The following EYS variants were observed in gnomAD, a reference collection of about 807,000 sequenced individuals.
The protein encoded by EYS is EGF-like photoreceptor maintenance factor.
EYS carries 250 observed loss-of-function variants against 282.1 expected under a neutral mutation model. The ratio of observed to expected loss-of-function variants is 0.89; its 90% CI spans 0.80 to 0.98. EYS has a LOEUF of 0.98. EYS is among the 50% of genes least tolerant of loss of function. The probability of loss-of-function intolerance (pLI) is 0.00; values close to 1 mark genes in which losing one functional copy is unlikely to be tolerated. For synonymous variants in EYS, 1,355 were observed against 1,282.9 expected, an observed-to-expected ratio of 1.06 and a Z score of -1.20; for missense variants, 4,016 against 3,709.0, an observed-to-expected ratio of 1.08 and a Z score of -2.15.
intron 11 of EYS, among the ~76,000 whole-genome samples, chr6:65,327,841 C>T (rs1379341420): frequency 2.0e-5 from 3 of 151,344 alleles, no homozygotes; most frequent in Non-Finnish European, 3.0e-5. Flanking sequence ...TAAATAAAGA[C>T]TGATAATAGT....
intron 35 of EYS, among the ~76,000 whole-genome samples, chr6:63,902,310 ATGAAAG>A (rs1381019059): frequency 2.0e-5 from 3 of 152,204 alleles, no homozygotes; most frequent in Non-Finnish European, 4.4e-5. Context: ...ATTTTTCAAA[ATGAAAG>A]TGAAATAAAG....
chr6:64,415,912 CTGAAGTTTCTAAGCTT>C (rs1288854235), intron 28 of EYS, among the ~76,000 whole-genome samples: 1 of 152,098 alleles, frequency 6.6e-6, no homozygotes, highest in Non-Finnish European at 1.5e-5. Context: ...ATAAAGCAAG[CTGAAGTTTCTAAGCTT>C]TATAGAAACT....
intron 12 of EYS, among the ~76,000 whole-genome samples, chr6:65,269,216 C>T (rs1767835031): frequency 6.6e-6 from 1 of 152,114 alleles, no homozygotes; most frequent in Non-Finnish European, 1.5e-5. Context: ...TTCATAATCA[C>T]CCACATTGTG....
At chr6:65,354,190 G>T (rs1764391553) in intron 8 of EYS, among the ~76,000 whole-genome samples, 2 of 152,198 alleles carry the variant, frequency 1.3e-5, no homozygotes, top group African/African-American at 4.8e-5. Context: ...CTAAGTTTTA[G>T]TACATGCTGC....
intron 31 of EYS, among the ~76,000 whole-genome samples, chr6:64,140,087 T>C (rs1228597637): frequency 6.6e-6 from 1 of 151,986 alleles, no homozygotes; most frequent in Non-Finnish European, 1.5e-5. Context: ...ATGGTGGTAT[T>C]TGGAAGTTGT....
rs1340341033 is a variant in EYS at position 64,632,874 on chromosome 6, A to C, written c.3444-6629T>G. Among the ~76,000 whole-genome samples, 3 of 152,104 alleles carry C rather than the reference A, an allele frequency of 2.0e-5. No individual in the cohort carries two copies. In the East Asian group the frequency reaches 5.8e-4, roughly 29 times the overall value. On this transcript the variant is annotated intron_variant, in intron 22 of 42. Coordinates refer to ENST00000503581, the MANE Select transcript of EYS (RefSeq NM_001142800.2). ...TCAATTGATCACATTATATGCTCTA[A>C]ATTTTTAAAAATACAGGTATTTTAA... is the stretch of plus-strand genomic sequence containing the variant.
intron 22 of EYS, among the ~76,000 whole-genome samples, chr6:64,704,035 A>G (rs1770887624): frequency 6.6e-6 from 1 of 152,048 alleles, no homozygotes. Context: ...ACATCTAATA[A>G]TAAATCCTAC....
At chr6:65,274,231 A>G (rs998908053) in intron 12 of EYS, among the ~76,000 whole-genome samples, 1 of 152,232 alleles carries the variant, frequency 6.6e-6, no homozygotes, top group Non-Finnish European at 1.5e-5. Flanking sequence ...ACTGTAAACC[A>G]AAAGCAATAT....
At chr6:64,081,331 C>A (rs1049277018) in intron 32 of EYS, among the ~76,000 whole-genome samples, 3 of 152,130 alleles carry the variant, frequency 2.0e-5, no homozygotes, top group African/African-American at 7.2e-5. Flanking sequence ...CCTTTATGAG[C>A]AAATTGCATA....
intron 22 of EYS, among the ~76,000 whole-genome samples, chr6:64,716,152 A>C (rs183864306): frequency 6.6e-6 from 1 of 152,340 alleles, no homozygotes; most frequent in Non-Finnish European, 1.5e-5. Flanking sequence ...TTTTTGAGTT[A>C]GCCAGCATTT....
chr6:64,948,994 T>A (rs1375533167), intron 14 of EYS, among the ~76,000 whole-genome samples: 4 of 151,926 alleles, frequency 2.6e-5, no homozygotes, highest in Non-Finnish European at 5.9e-5. Flanking sequence ...CTTTTTCAGA[T>A]CAACAGCCAG....
chr6:65,598,210 G>A (rs889113920), intron 2 of EYS, among the ~76,000 whole-genome samples: 8 of 134,918 alleles, frequency 5.9e-5, no homozygotes, highest in Non-Finnish European at 1.2e-4. Context: ...ATAGATTTCT[G>A]TTATTGAGAA....
chr6:65,434,525 T>C (rs1173064992), intron 5 of EYS, among the ~76,000 whole-genome samples: 2 of 152,122 alleles, frequency 1.3e-5, no homozygotes, highest in East Asian at 1.9e-4. Flanking sequence ...TTTCACCATG[T>C]TAGCCAGGAC....
intron 31 of EYS, among the ~76,000 whole-genome samples, chr6:64,143,332 G>A (rs76146471): frequency 0.013 from 1,602 of 123,918 alleles, 27 homozygotes; most frequent in African/African-American, 0.045. Context: ...GGGTGATGAT[G>A]TGTAAATGCA....
intron 22 of EYS, among the ~76,000 whole-genome samples, chr6:64,808,159 G>T (rs1471057177): frequency 1.3e-5 from 2 of 148,934 alleles, no homozygotes; most frequent in African/African-American, 5.0e-5. Flanking sequence ...ATCTACCTAT[G>T]ATCACGATAT....
chr6:64,571,858 C>T (rs778735155), intron 26 of EYS, among the ~76,000 whole-genome samples: 8 of 152,126 alleles, frequency 5.3e-5, no homozygotes, highest in Non-Finnish European at 1.2e-4. Flanking sequence ...CAAAGAGGAG[C>T]TGGTGCCATT....
chr6:64,427,633 G>A (rs1450688899), intron 28 of EYS, among the ~76,000 whole-genome samples: 1 of 151,956 alleles, frequency 6.6e-6, no homozygotes, highest in Non-Finnish European at 1.5e-5. Flanking sequence ...AATATATTAG[G>A]TATTGTAACC....
intron 26 of EYS, among the ~76,000 whole-genome samples, chr6:64,549,905 G>A (rs1049900547): frequency 6.6e-6 from 1 of 151,674 alleles, no homozygotes; most frequent in African/African-American, 2.4e-5. Context: ...CCCCACAACA[G>A]GCCCTGGTGT....
At chr6:64,972,855 C>T (rs1369367095) in intron 14 of EYS, among the ~76,000 whole-genome samples, 1 of 151,992 alleles carries the variant, frequency 6.6e-6, no homozygotes, top group East Asian at 1.9e-4. Context: ...AATATTAATA[C>T]TAGGCATTAT....
Sources: gnomAD v4.1 joint callset for allele counts (sites outside exome capture counted in the v4.1 genomes callset) on GRCh38, gnomAD v4.1.1 for gene constraint, MANE v1.5 for transcripts, NCBI Gene and HGNC (gene_info 2026-07-23, HGNC 2026-07-21) for gene names.